The following ME1 variants were observed in gnomAD, a reference collection of about 807,000 sequenced individuals.
The protein encoded by ME1 is NADP-dependent malic enzyme.
ME1 carries 74 observed loss-of-function variants against 66.4 expected under a neutral mutation model. The observed-to-expected ratio is 1.11, with a 90% CI of 0.92 to 1.35. The LOEUF is 1.35. ME1 is among the 40% of genes most tolerant of loss of function. The probability of loss-of-function intolerance (pLI) is 0.00; values close to 1 mark genes in which losing one functional copy is unlikely to be tolerated. For missense variants in ME1, 750 were observed against 694.1 expected, an observed-to-expected ratio of 1.08 and a Z score of -0.90; for synonymous variants, 251 against 235.6, an observed-to-expected ratio of 1.07 and a Z score of -0.60.
intron 2 of ME1, among the ~76,000 whole-genome samples, chr6:83,402,417 T>C (rs576791947): frequency 1.3e-5 from 2 of 152,290 alleles, no homozygotes; most frequent in East Asian, 3.9e-4. Flanking sequence ...GGTCTAGAGG[T>C]CTTCATTCCA....
Position 83,386,134 on chromosome 6 carries a change from A to G in ME1, c.362+12233T>C, listed in dbSNP as rs559183406. ...TAAATGGACCAAATAATATTACAGA[A>G]TAAGTATAAATCAAAATCAAAGGCT... On this transcript the variant is annotated intron_variant, in intron 3 of 13. Coordinates refer to ENST00000369705, the MANE Select transcript of ME1 (RefSeq NM_002395.6). Among the ~76,000 whole-genome samples, 28 of 152,042 alleles carry G rather than the reference A, an allele frequency of 1.8e-4. No individual in the cohort carries two copies. The South Asian group carries it at 5.4e-3, about 29-fold the overall frequency.
At chr6:83,397,093 A>G (rs1267259127) in intron 3 of ME1, among the ~76,000 whole-genome samples, 1 of 152,222 alleles carries the variant, frequency 6.6e-6, no homozygotes, top group African/African-American at 2.4e-5. Context: ...GTTTTTAGAT[A>G]TGACCCCAGT....
chr6:83,367,636 A>T (rs1272763633), intron 3 of ME1, among the ~76,000 whole-genome samples: 1 of 152,104 alleles, frequency 6.6e-6, no homozygotes, highest in Non-Finnish European at 1.5e-5. Context: ...AACCTCTACT[A>T]GCTTCACCAT....
intron 3 of ME1, among the ~76,000 whole-genome samples, chr6:83,363,324 T>C (rs1182855442): frequency 6.6e-6 from 1 of 152,114 alleles, no homozygotes; most frequent in African/African-American, 2.4e-5. Flanking sequence ...TACCTTTAAG[T>C]CAACAGGCTA....
intron 5 of ME1, among the ~76,000 whole-genome samples, chr6:83,324,715 C>CCAA (rs1768251222): frequency 1.8e-5 from 1 of 54,722 alleles, no homozygotes; most frequent in African/African-American, 1.0e-4. Flanking sequence ...AGCCTACCAA[C>CCAA]CAAAAAAAAA....
intron 6 of ME1, among the ~76,000 whole-genome samples, chr6:83,274,632 T>C (rs1001787360): frequency 1.3e-5 from 2 of 152,194 alleles, no homozygotes; most frequent in Non-Finnish European, 2.9e-5. Context: ...AGCATCAACA[T>C]AAAATACATC....
At chr6:83,412,670 AAC>A (rs1228995436) in intron 1 of ME1, among the ~76,000 whole-genome samples, 1 of 129,412 alleles carries the variant, frequency 7.7e-6, no homozygotes, top group Non-Finnish European at 1.6e-5. Context: ...ACAGTAAAAA[AAC>A]AAAACTATTG....
At chr6:83,430,207 C>G (rs1412702384) in intron 1 of ME1, among the ~76,000 whole-genome samples, 3 of 151,832 alleles carry the variant, frequency 2.0e-5, no homozygotes, top group African/African-American at 2.4e-5. Context: ...CAAAACAAAA[C>G]AAAAGAAAGA....
At chr6:83,320,310 T>C (rs1768126798) in intron 5 of ME1, among the ~76,000 whole-genome samples, 1 of 152,254 alleles carries the variant, frequency 6.6e-6, no homozygotes, top group Admixed American at 6.5e-5. Context: ...ACAGAAATTA[T>C]AGCCCAGTTC....
chr6:83,298,047 G>C (rs983704729), intron 6 of ME1, among the ~76,000 whole-genome samples: 1 of 152,118 alleles, frequency 6.6e-6, no homozygotes, highest in Non-Finnish European at 1.5e-5. Context: ...CTTTATAATA[G>C]AATGATTTAT....
chr6:83,342,874 G>T (rs1768615241), intron 5 of ME1, among the ~76,000 whole-genome samples: 2 of 151,926 alleles, frequency 1.3e-5, no homozygotes, highest in Non-Finnish European at 2.9e-5. Flanking sequence ...TTAGTATACG[G>T]GTTTTCTCTA....
chr6:83,294,429 C>T (rs1056445105), intron 6 of ME1, among the ~76,000 whole-genome samples: 2 of 152,140 alleles, frequency 1.3e-5, no homozygotes, highest in Non-Finnish European at 2.9e-5. Context: ...GAGCTTGCAG[C>T]ACACACAGTC....
chr6:83,273,125 C>T lies in ME1; in HGVS notation c.705-19387G>A, dbSNP rs1002130945. Reference sequence around the variant, plus strand: ...CCAGGAGATGGAGGCTGCAGTGAGCCAACATGGTGCCACTGCACTCCAGCC... The same window carrying T: ...CCAGGAGATGGAGGCTGCAGTGAGCTAACATGGTGCCACTGCACTCCAGCC... On this transcript the variant is annotated intron_variant, in intron 6 of 13. Transcript: ENST00000369705. Among the ~76,000 whole-genome samples the T allele has an allele frequency of 6.7e-5, 9 of 134,444 alleles. No individual in the cohort carries two copies. In the East Asian group the frequency reaches 1.8e-3, roughly 27 times the overall value. The allele number at this position is 134,444 out of a possible 152,430, so 88.2% of individuals were successfully genotyped here.
chr6:83,424,323 G>T (rs1468050449), intron 1 of ME1, among the ~76,000 whole-genome samples: 1 of 151,782 alleles, frequency 6.6e-6, no homozygotes, highest in Non-Finnish European at 1.5e-5. Flanking sequence ...ATAATCACCA[G>T]ACCAAGTACT....
chr6:83,289,310 T>C (rs537282112), intron 6 of ME1, among the ~76,000 whole-genome samples: 1 of 152,320 alleles, frequency 6.6e-6, no homozygotes, highest in South Asian at 2.1e-4. Flanking sequence ...TCTTATTATG[T>C]TGAGATATGT....
chr6:83,234,829 T>C (rs1583331782), intron 9 of ME1, among the ~76,000 whole-genome samples: 1 of 152,170 alleles, frequency 6.6e-6, no homozygotes, highest in East Asian at 1.9e-4. Context: ...TATCATCTGC[T>C]TCCTTTCTAA....
intron 7 of ME1, among the ~76,000 whole-genome samples, chr6:83,246,324 C>G (rs1382282492): frequency 6.6e-6 from 1 of 152,072 alleles, no homozygotes; most frequent in East Asian, 1.9e-4. Context: ...ATGCATTAAA[C>G]AGTTAAAATC....
chr6:83,352,568 A>G (rs1186077605), intron 3 of ME1, among the ~76,000 whole-genome samples: 1 of 152,136 alleles, frequency 6.6e-6, no homozygotes, highest in Non-Finnish European at 1.5e-5. Flanking sequence ...TCCATTTTCA[A>G]CATGAAGATG....
chr6:83,399,155 C>T (rs781163036), intron 2 of ME1, among the ~76,000 whole-genome samples: 2 of 151,224 alleles, frequency 1.3e-5, no homozygotes, highest in South Asian at 2.1e-4. Context: ...CCAACAAGCC[C>T]GGCTAATTTT....
Sources: gnomAD v4.1 joint callset for allele counts (sites outside exome capture counted in the v4.1 genomes callset) on GRCh38, gnomAD v4.1.1 for gene constraint, MANE v1.5 for transcripts, NCBI Gene and HGNC (gene_info 2026-07-23, HGNC 2026-07-21) for gene names.